The following ERCC6 variants were observed in gnomAD, a reference collection of about 807,000 sequenced individuals.
ERCC6 encodes ERCC excision repair 6, chromatin remodeling factor, also known as DNA excision repair protein ERCC-6.
Under a neutral mutation model 158.7 loss-of-function variants are expected in ERCC6, and 116 were observed. The observed-to-expected ratio is 0.73, with a 90% CI of 0.63 to 0.85. The LOEUF is 0.85. Ranked by LOEUF, ERCC6 falls within the 40% of genes least tolerant of loss-of-function variation. The pLI is 0.00. For synonymous variants in ERCC6, 678 were observed against 659.3 expected, an observed-to-expected ratio of 1.03 and a Z score of -0.43; for missense variants, 1,698 against 1,799.4, an observed-to-expected ratio of 0.94 and a Z score of 1.02.
chr10:49,487,617 C>T (rs969447178), intron 8 of ERCC6, among the ~76,000 whole-genome samples: 1 of 152,178 alleles, frequency 6.6e-6, no homozygotes, highest in Non-Finnish European at 1.5e-5. Flanking sequence ...GAAGCCAAAG[C>T]CGAAATGAAT....
chr10:49,468,261 C>T (rs981784978), intron 18 of ERCC6, among the ~76,000 whole-genome samples: 11 of 152,218 alleles, frequency 7.2e-5, no homozygotes, highest in South Asian at 2.1e-4. Flanking sequence ...TCTCCGCTAT[C>T]GTCTCTTGCA....
downstream of ERCC6, among the ~76,000 whole-genome samples, chr10:49,450,077 C>T (rs535457057): frequency 1.3e-4 from 20 of 152,274 alleles, no homozygotes; most frequent in African/African-American, 4.8e-4. Context: ...TGCCATGTTG[C>T]CCAGGCTGGT....
chr10:49,444,889 A>C, the ERCC6 span, among the ~76,000 whole-genome samples: 4 of 152,238 alleles, frequency 2.6e-5, no homozygotes, highest in African/African-American at 4.8e-5. Context: ...TTATGATCTG[A>C]GAGGTTAAAA....
chr10:49,453,712 G>A (rs1042295560), downstream of ERCC6, among the ~76,000 whole-genome samples: 25 of 152,078 alleles, frequency 1.6e-4, no homozygotes, highest in Non-Finnish European at 5.9e-5. Context: ...ATCTGGGAAA[G>A]TATTTCACTT....
rs990241703 is a variant in ERCC6 at position 49,455,811 on chromosome 10, G to A, written c.*3004C>T. 1.1e-4 allele frequency: 17 copies of A among 152,216 alleles called. No homozygotes were observed. The highest frequency in any genetic ancestry group is 4.1e-4 in the African/African-American group (17 of 41,466). 9.4% of individuals were successfully genotyped at this position (152,216 alleles called of 1,614,324 possible). On this transcript the variant is annotated 3_prime_UTR_variant, in exon 21 of 21. Transcript: ENST00000355832. Reference sequence around the variant, plus strand: ...TTTGTACGTAATCAGGGAAATTCAAGTGAAAACAAGGTACTTTCAATCACG... The same window carrying A: ...TTTGTACGTAATCAGGGAAATTCAAATGAAAACAAGGTACTTTCAATCACG...
chr10:49,519,800 G>C (rs976270762), intron 5 of ERCC6, among the ~76,000 whole-genome samples: 6 of 152,204 alleles, frequency 3.9e-5, no homozygotes, highest in African/African-American at 1.4e-4. Context: ...TTCTGAGCAA[G>C]GTCCTGTGGA....
At chr10:49,474,745 T>C (rs4253194) in intron 12 of ERCC6, among the ~76,000 whole-genome samples, 4,998 of 152,130 alleles carry the variant, frequency 0.033, 268 homozygotes, top group African/African-American at 0.11. Context: ...ATTATTATTA[T>C]ATCAGAAAAA....
intron 6 of ERCC6, 107 bp downstream of exon 6, chr10:49,505,777 G>T: frequency 7.4e-7 from 1 of 1,349,650 alleles, no homozygotes; most frequent in Non-Finnish European, 1.0e-6. Context: ...ACAAATTGCT[G>T]CAAGTACCTT....
intron 13 of ERCC6, 44 bp downstream of exon 13, chr10:49,473,983 C>A: frequency 1.3e-6 from 2 of 1,550,794 alleles, no homozygotes; most frequent in South Asian, 2.2e-5. Context: ...TGATGGCTGT[C>A]ATAAAGAACC....
intron 5 of ERCC6, among the ~76,000 whole-genome samples, chr10:49,519,248 T>C (rs1431379849): frequency 2.0e-5 from 3 of 152,204 alleles, no homozygotes; most frequent in Admixed American, 6.5e-5. Flanking sequence ...AACATGTATG[T>C]AGAGGGCCCA....
At position 49,532,658 on chromosome 10, in the gene ERCC6, C is replaced by T. The variant is rs751572646; in HGVS notation, c.307G>A (p.Asp103Asn). The T allele has an allele frequency of 1.2e-6, 2 of 1,614,210 alleles. No homozygotes were observed. Among genetic ancestry groups the T allele is most frequent in the South Asian group, 2.2e-5 (2 of 91,082 alleles). The change falls in exon 2 of 21, where the codon GAC (aspartate) becomes AAC (asparagine). Residue 103 changes from aspartate to asparagine, a missense_variant. Physicochemically the swap from Asp to Asn is conservative, Grantham distance 23. Coordinates refer to ENST00000355832, the MANE Select transcript of ERCC6 (RefSeq NM_000124.4). ...QGLGVDVYDQ[D>N]VLEQGVLQQV... Reference sequence around the variant, plus strand: ...TGAAGCACTCCCTGTTCCAGCACGTCCTGGTCATAGACGTCCACACCCAAA... The same window carrying T: ...TGAAGCACTCCCTGTTCCAGCACGTTCTGGTCATAGACGTCCACACCCAAA...
chr10:49,500,777 T>C (rs1207011445), intron 6 of ERCC6, 81 bp from the exon 7 acceptor site: 1 of 1,484,620 alleles, frequency 6.7e-7, no homozygotes, highest in Non-Finnish European at 9.3e-7. Context: ...TACTCATGAA[T>C]TAATCATTTG....
Position 49,528,512 on chromosome 10 carries a change from T to A in ERCC6, c.557A>T (p.Lys186Ile). The A allele has an allele frequency of 6.2e-7, 1 of 1,614,200 alleles. No homozygotes were observed. Among genetic ancestry groups the A allele is most frequent in the Non-Finnish European group, 8.5e-7 (1 of 1,180,022 alleles). ...ATGCTTTTGTTTTGCAGTGATCTTTTTTAGCTGTTGTTCCTTGAATGGTAA... is the reference window on the plus strand; with the variant it reads ...ATGCTTTTGTTTTGCAGTGATCTTTATTAGCTGTTGTTCCTTGAATGGTAA... ...RQKYNKEQQL[K>I]KITAKQKHLQ... Residue 186 changes from lysine (K) to isoleucine (I), a missense_variant, in exon 4 of 21, where the codon AAA becomes ATA. Physicochemically the swap from Lys to Ile is moderately radical, Grantham distance 102. Transcript: ENST00000355832.
the ERCC6 span, among the ~76,000 whole-genome samples, chr10:49,447,127 AG>A: frequency 6.6e-6 from 1 of 152,248 alleles, no homozygotes; most frequent in East Asian, 1.9e-4. Context: ...TGTGGAAAAA[AG>A]ACACATAAAT....
At chr10:49,516,795 A>G (rs2132601795) in intron 5 of ERCC6, 2 of 1,614,052 alleles carry the variant, frequency 1.2e-6, no homozygotes, top group East Asian at 2.2e-5. Context: ...AATTTTTGTC[A>G]TTTTCCTCCT....
intron 10 of ERCC6, among the ~76,000 whole-genome samples, chr10:49,480,387 T>C (rs1245214668): frequency 6.6e-6 from 1 of 152,202 alleles, no homozygotes; most frequent in Admixed American, 6.5e-5. Flanking sequence ...GCCCCTGCCA[T>C]CATTTTAGCA....
At chr10:49,491,009 G>A (rs565995371) in intron 8 of ERCC6, among the ~76,000 whole-genome samples, 3 of 152,294 alleles carry the variant, frequency 2.0e-5, no homozygotes, top group Admixed American at 6.5e-5. Flanking sequence ...TTTAACACAC[G>A]TGTAAGCCAG....
intron 5 of ERCC6, among the ~76,000 whole-genome samples, chr10:49,521,298 G>A (rs762888361): frequency 7.2e-5 from 11 of 152,170 alleles, no homozygotes; most frequent in Non-Finnish European, 1.6e-4. Context: ...GAAATGTTTG[G>A]TCTTCTGGGC....
At chr10:49,499,726 G>C (rs140406992) in intron 7 of ERCC6, among the ~76,000 whole-genome samples, 2 of 152,122 alleles carry the variant, frequency 1.3e-5, no homozygotes, top group Non-Finnish European at 2.9e-5. Context: ...TTTAAATATG[G>C]AAGTGCTCAT....
Sources: gnomAD v4.1 joint callset for allele counts (sites outside exome capture counted in the v4.1 genomes callset) on GRCh38, gnomAD v4.1.1 for gene constraint, MANE v1.5 for transcripts, NCBI Gene and HGNC (gene_info 2026-07-23, HGNC 2026-07-21) for gene names.